C8B: variants seen among roughly 807,000 people sequenced by gnomAD.
C8B encodes the protein complement component C8 beta chain.
C8B carries 67 observed loss-of-function variants against 64.6 expected under a neutral mutation model. The ratio of observed to expected loss-of-function variants is 1.04; its 90% CI spans 0.85 to 1.27. C8B has a LOEUF of 1.27. Ranked by LOEUF, C8B falls within the 50% of genes most tolerant of loss-of-function variation. The probability of loss-of-function intolerance (pLI) is 0.00; values close to 1 mark genes in which losing one functional copy is unlikely to be tolerated. For missense variants in C8B, 790 were observed against 725.2 expected (o/e 1.09, Z -1.03); for synonymous variants, 284 against 257.7 (o/e 1.10, Z -0.98).
At position 56,943,989 on chromosome 1, in the gene C8B, C is replaced by T. The variant is rs185970800; in HGVS notation, c.1106-165G>A. On this transcript the variant is annotated intron_variant, in intron 7 of 11. Coordinates refer to ENST00000371237, the MANE Select transcript of C8B (RefSeq NM_000066.4). ...CAAGAAATGTAGGCAGCAAATGGCA[C>T]CAGGGCAGAGACCTCGTAGAGCTCA... Among the ~76,000 whole-genome samples, 555 of 152,260 alleles carry T rather than the reference C, an allele frequency of 3.6e-3. 2 individuals carry two copies. Among genetic ancestry groups the T allele is most frequent in the African/African-American group, 0.013 (538 of 41,552 alleles).
chr1:56,959,764 A>G (rs1450083429), intron 2 of C8B: 1 of 794,218 alleles, frequency 1.3e-6, no homozygotes, highest in Admixed American at 2.5e-5. Context: ...GATTGAAAGA[A>G]CAGGTTCAAG....
At chr1:56,949,773 G>C (rs374302339) in intron 5 of C8B, 21 bp from the exon 6 acceptor site, 20 of 1,560,392 alleles carry the variant, frequency 1.3e-5, no homozygotes, top group Non-Finnish European at 1.7e-5. Flanking sequence ...AAAAAGAAAG[G>C]GTTTTTTATT....
In C8B at chr1:56,960,849, G is replaced by C. The variant is rs148705701; in HGVS notation, c.93-673C>G. On this transcript the variant is annotated intron_variant, in intron 1 of 11. Transcript: ENST00000371237. ...AAATAAATCTTGATGGGGAAGACTT[G>C]AGTTTCGGGTGGGGCATGCTGAGTT... 1.2e-3 allele frequency among the ~76,000 whole-genome samples: 185 copies of C among 152,102 alleles called. 5 individuals are homozygous for C. The South Asian group carries it at 0.034, about 28-fold the overall frequency.
chr1:56,954,131 G>T lies in C8B; in HGVS notation c.533+555C>A, dbSNP rs145514947. Among the ~76,000 whole-genome samples the T allele has an allele frequency of 2.3e-3, 348 of 152,196 alleles. 1 individual carries two copies. The highest frequency in any genetic ancestry group is 0.01 in the Middle Eastern group (3 of 294). The stretch of plus-strand genomic sequence containing the variant: ...GCAAAATATGGCAGGAAAGTAAGGT[G>T]CATGCCAGGCCAGTGTGGCCCCTTC... On this transcript the variant is annotated intron_variant, in intron 4 of 11. Coordinates refer to ENST00000371237, the MANE Select transcript of C8B (RefSeq NM_000066.4).
At position 56,945,968 on chromosome 1, in the gene C8B, T is replaced by C; in HGVS notation, c.958A>G (p.Arg320Gly). Residue 320 changes from arginine to glycine, a missense_variant, in exon 7 of 12, where the codon AGA becomes GGA. Coordinates refer to ENST00000371237, the MANE Select transcript of C8B (RefSeq NM_000066.4). The part of the protein sequence containing the change: ...SLMLHYEFLQ[R>G]VKRLPLEYSY... ...TACTCCAGGGGCAGCCGCTTAACTCTCTGAAGGAACTCGTAATGGAGCATG... is the reference window on the plus strand; with the variant it reads ...TACTCCAGGGGCAGCCGCTTAACTCCCTGAAGGAACTCGTAATGGAGCATG... 6.2e-7 allele frequency: 1 copy of C among 1,614,122 alleles called. No homozygotes were observed. Among genetic ancestry groups the C allele is most frequent in the Non-Finnish European group, 8.5e-7 (1 of 1,180,004 alleles).
rs184981061 is a variant in C8B at position 56,960,627 on chromosome 1, G to A, written c.93-451C>T. Among the ~76,000 whole-genome samples, 422 of 152,326 alleles carry A rather than the reference G, an allele frequency of 2.8e-3. 10 individuals carry two copies. The highest frequency in any genetic ancestry group is 0.026 in the Admixed American group (395 of 15,304). ...AACAAGGAAGAGGCTGGCAGCAGCA[G>A]TCCCACTGAGTGGTATAAGCCTGAA... is the stretch of plus-strand genomic sequence containing the variant. On this transcript the variant is annotated intron_variant, in intron 1 of 11. Transcript: ENST00000371237.
chr1:56,954,971 AT>A (rs1214857471), intron 3 of C8B, 144 bp from the exon 4 acceptor site: 2 of 938,196 alleles, frequency 2.1e-6, no homozygotes, highest in East Asian at 5.0e-5. Context: ...ATCCAGATAG[AT>A]TGGTTATGGC....
intron 10 of C8B, 86 bp from the exon 11 acceptor site, chr1:56,931,964 C>A: frequency 1.1e-6 from 1 of 933,440 alleles, no homozygotes; most frequent in East Asian, 2.5e-5. Context: ...ACTGCAGTTC[C>A]ATCAGGTTAA....
intron 2 of C8B, among the ~76,000 whole-genome samples, chr1:56,958,744 C>A (rs1441234001): frequency 6.6e-6 from 1 of 152,126 alleles, no homozygotes. Flanking sequence ...AAGCAATTAT[C>A]CAGATAATTG....
chr1:56,947,855 C>A (rs936907246), intron 6 of C8B, among the ~76,000 whole-genome samples: 1 of 152,032 alleles, frequency 6.6e-6, no homozygotes, highest in Non-Finnish European at 1.5e-5. Context: ...CGCTTGAACC[C>A]GGGAGGTGGA....
At chr1:56,942,421 G>A (rs973704863) in intron 8 of C8B, among the ~76,000 whole-genome samples, 1 of 152,210 alleles carries the variant, frequency 6.6e-6, no homozygotes, top group Non-Finnish European at 1.5e-5. Context: ...GTGTAAAACA[G>A]CCCAGCGTGG....
At chr1:56,961,492 G>A (rs1645179691) in intron 1 of C8B, among the ~76,000 whole-genome samples, 1 of 152,176 alleles carries the variant, frequency 6.6e-6, no homozygotes, top group African/African-American at 2.4e-5. Flanking sequence ...GTGGTGTTAC[G>A]ATCTGAGCCG....
intron 2 of C8B, among the ~76,000 whole-genome samples, 155 bp from the exon 3 acceptor site, chr1:56,957,065 C>A (rs1214650141): frequency 6.6e-6 from 1 of 152,158 alleles, no homozygotes; most frequent in African/African-American, 2.4e-5. Context: ...GTGCTCCCCC[C>A]ATTATATATA....
intron 9 of C8B, among the ~76,000 whole-genome samples, chr1:56,940,035 T>C (rs1486121152): frequency 6.6e-6 from 1 of 151,770 alleles, no homozygotes; most frequent in Non-Finnish European, 1.5e-5. Context: ...TGTGTGTGTA[T>C]CTTACTGTTC....
At chr1:56,933,108 C>T (rs1420853268) in intron 10 of C8B, among the ~76,000 whole-genome samples, 9 of 152,206 alleles carry the variant, frequency 5.9e-5, no homozygotes, top group African/African-American at 2.2e-4. Flanking sequence ...ATTCCCACTC[C>T]TTGCTGTGGA....
intron 3 of C8B, 74 bp from the exon 4 acceptor site, chr1:56,954,901 C>T: frequency 1.3e-6 from 2 of 1,577,406 alleles, no homozygotes; most frequent in Non-Finnish European, 1.7e-6. Flanking sequence ...TAAGCACCTA[C>T]CAAGTGCCAG....
chr1:56,936,455 A>G (rs1361292196), intron 9 of C8B, among the ~76,000 whole-genome samples: 23 of 150,534 alleles, frequency 1.5e-4, no homozygotes, highest in Admixed American at 1.5e-3. Context: ...ATCTCCTTTG[A>G]GATGTTTCTT....
chr1:56,960,803 G>C (rs1645168950), intron 1 of C8B, among the ~76,000 whole-genome samples: 1 of 151,968 alleles, frequency 6.6e-6, no homozygotes, highest in African/African-American at 2.4e-5. Flanking sequence ...TGAGTGTGTG[G>C]GCGGTGGGAA....
At chr1:56,957,056 T>G in intron 2 of C8B, 146 bp from the exon 3 acceptor site, 8 of 831,716 alleles carry the variant, frequency 9.6e-6, no homozygotes, top group Non-Finnish European at 1.6e-5. Flanking sequence ...CAGCCCCTTG[T>G]GCTCCCCCCA....
Sources: allele counts gnomAD v4.1 joint callset (sites outside exome capture counted in the v4.1 genomes callset), GRCh38; gene constraint gnomAD v4.1.1; transcripts MANE v1.5; gene names NCBI Gene and HGNC (gene_info 2026-07-23, HGNC 2026-07-21).